The following KIF15 variants were observed in gnomAD, a reference collection of about 807,000 sequenced individuals.
The protein encoded by KIF15 is kinesin family member 15, also known as kinesin-like protein KIF15.
Under a neutral mutation model 190.6 loss-of-function variants are expected in KIF15, and 140 were observed. That is an observed-to-expected ratio of 0.73 (90% confidence interval 0.64 to 0.84). The LOEUF (loss-of-function observed/expected upper bound fraction) is 0.84. KIF15 is among the 40% of genes least tolerant of loss of function. The pLI, the probability that KIF15 is intolerant of heterozygous loss-of-function variation, is 0.00. For missense variants in KIF15, 1,372 were observed against 1,584.4 expected (o/e 0.87, Z 2.28); for synonymous variants, 528 against 551.3 (o/e 0.96, Z 0.59).
intron 4 of KIF15, among the ~76,000 whole-genome samples, chr3:44,779,823 A>T (rs1281589768): frequency 1.2e-4 from 3 of 25,228 alleles, no homozygotes; most frequent in Non-Finnish European, 2.1e-4. Context: ...GACAGAGTGA[A>T]AAAAAAAAAA....
At chr3:44,825,982 T>C (rs186126982) in intron 20 of KIF15, 57 bp from the exon 21 acceptor site, 254 of 1,447,432 alleles carry the variant, frequency 1.8e-4, no homozygotes, top group Non-Finnish European at 2.3e-4. Flanking sequence ...GATGATCTGA[T>C]TAATAGAAAT....
In KIF15 at chr3:44,863,310, C is replaced by A. The variant is rs998010828; in HGVS notation, c.*60-10019C>A. ...ATATTTAGATTCCGCACCCCCCCCC[C>A]CCGCCGCCTTGTCTCCAGGCAGGTT... On this transcript the variant is annotated intron_variant and NMD_transcript_variant, in intron 6 of 6. Transcript: ENST00000422209. The A allele has an allele frequency of 6.8e-5, 8 of 117,436 alleles. 1 individual carries two copies. The highest frequency in any genetic ancestry group is 9.7e-4 in the South Asian group (2 of 2,060). 7.3% of individuals were successfully genotyped at this position (117,436 alleles called of 1,614,324 possible).
rs755372741 is a variant in KIF15, at chr3:44,838,257, A to C, written c.3172-18A>C. On this transcript the variant is annotated intron_variant, in intron 26 of 34. Transcript: ENST00000326047. ...GGAATACCATAATTAAGAAACTGTG[A>C]TGATTGTCTCCTAACAGAGGGATAT... The C allele has an allele frequency of 3.2e-6, 5 of 1,578,540 alleles. No homozygotes were observed. The highest frequency in any genetic ancestry group is 4.3e-6 in the Non-Finnish European group (5 of 1,164,718).
At chr3:44,829,807 GTA>G (rs1181566391) in intron 24 of KIF15, among the ~76,000 whole-genome samples, 162 bp from the exon 25 acceptor site, 2 of 142,708 alleles carry the variant, frequency 1.4e-5, no homozygotes, top group South Asian at 2.1e-4. Flanking sequence ...TATAATATAT[GTA>G]TATATATTAT....
intron 10 of KIF15, among the ~76,000 whole-genome samples, chr3:44,799,490 G>C (rs528142399): frequency 2.0e-4 from 31 of 152,040 alleles, no homozygotes; most frequent in African/African-American, 7.2e-4. Context: ...TTGGTACTCA[G>C]CTGTTGGCAC....
intron 22 of KIF15, chr3:44,827,105 ATC>A (rs1697704562): frequency 1.6e-5 from 7 of 447,430 alleles, no homozygotes; most frequent in Middle Eastern, 3.3e-4. Flanking sequence ...CCAGGCACTG[ATC>A]TGGTGAATTC....
chr3:44,865,454 G>GGAGAA, intron 6 of KIF15: 1 of 449,148 alleles, frequency 2.2e-6, no homozygotes, highest in Non-Finnish European at 4.1e-6. Context: ...GGAGATCCTG[G>GGAGAA]GGTTGGTCTG....
chr3:44,806,871 G>A (rs372479494), intron 16 of KIF15, among the ~76,000 whole-genome samples: 67 of 152,032 alleles, frequency 4.4e-4, no homozygotes, highest in African/African-American at 1.4e-3. Flanking sequence ...TCAGCCTCCC[G>A]AGTAGCTGGG....
At position 44,852,651 on chromosome 3, in the gene KIF15, TTG is replaced by T; in HGVS notation, c.4105-20_4105-19del. ...AATTAGAGCCTTATTTTTTTTCTTT[TTG>T]TTTTTTTAAAATTACTTAGGAGACA... On this transcript the variant is annotated intron_variant, in intron 34 of 34. Coordinates refer to ENST00000326047, the MANE Select transcript of KIF15 (RefSeq NM_020242.3). 2.6e-6 allele frequency: 4 copies of T among 1,546,374 alleles called. No individual in the cohort carries two copies. The highest frequency in any genetic ancestry group is 3.5e-6 in the Non-Finnish European group (4 of 1,145,560).
At chr3:44,833,277 G>A (rs1698157917) in intron 26 of KIF15, among the ~76,000 whole-genome samples, 1 of 152,012 alleles carries the variant, frequency 6.6e-6, no homozygotes, top group Non-Finnish European at 1.5e-5. Context: ...CCTTAGACCA[G>A]GAGTGTGAGG....
In KIF15 at chr3:44,761,899, C is replaced by T. The variant is rs771886055; in HGVS notation, c.19+15C>T. ...CGGCTGCAAAAGTAAGTCTGGGCCC[C>T]CGGCTTCGTTACCCTATTTTTGCCC... is the stretch of plus-strand genomic sequence containing the variant. On this transcript the variant is annotated intron_variant, in intron 1 of 34. Transcript: ENST00000326047. 10 of 1,614,170 alleles carry T rather than the reference C, an allele frequency of 6.2e-6. No homozygotes were observed. Among genetic ancestry groups the T allele is most frequent in the Non-Finnish European group, 7.6e-6 (9 of 1,180,020 alleles).
downstream of KIF15, among the ~76,000 whole-genome samples, chr3:44,855,747 A>G (rs776914484): frequency 6.6e-6 from 1 of 152,158 alleles, no homozygotes; most frequent in Non-Finnish European, 1.5e-5. Flanking sequence ...GTGGTTTTGT[A>G]TGAATTGAGA....
chr3:44,782,895 C>T (rs1039478256), intron 5 of KIF15, among the ~76,000 whole-genome samples: 15 of 152,186 alleles, frequency 9.9e-5, no homozygotes, highest in Non-Finnish European at 1.2e-4. Context: ...CATGGGAAGT[C>T]GGAGCTATAC....
downstream of KIF15, among the ~76,000 whole-genome samples, chr3:44,857,910 C>T (rs553593229): frequency 6.6e-6 from 1 of 152,242 alleles, no homozygotes; most frequent in African/African-American, 2.4e-5. Context: ...GGAGGGTGTC[C>T]TGTTGAGAAG....
chr3:44,842,743 A>G (rs762123929), intron 29 of KIF15, among the ~76,000 whole-genome samples: 1 of 152,238 alleles, frequency 6.6e-6, no homozygotes, highest in African/African-American at 2.4e-5. Flanking sequence ...TTAGGATGCA[A>G]TTGAGTATTT....
chr3:44,863,218 T>C (rs1382960040), intron 6 of KIF15: 1 of 148,380 alleles, frequency 6.7e-6, no homozygotes, highest in Non-Finnish European at 1.5e-5. Flanking sequence ...GTGTAAGTTA[T>C]AAGCAAGCAC....
At chr3:44,763,895 C>T (rs1225316701) in intron 1 of KIF15, among the ~76,000 whole-genome samples, 4 of 151,864 alleles carry the variant, frequency 2.6e-5, no homozygotes, top group African/African-American at 9.7e-5. Flanking sequence ...ACCATGTTGC[C>T]CAGGCTGGTC....
Position 44,780,882 on chromosome 3 carries a change from C to T in KIF15, c.324-3C>T. ...AAAATAATATGTAAAACATTTTTTA[C>T]AGTGGACAGACTGGCTCAGGGAAGA... On this transcript the variant is annotated splice_polypyrimidine_tract_variant and splice_region_variant and intron_variant, in intron 4 of 34. Transcript: ENST00000326047. 1.3e-6 allele frequency: 2 copies of T among 1,585,480 alleles called. No individual in the cohort carries two copies. The highest frequency in any genetic ancestry group is 1.7e-6 in the Non-Finnish European group (2 of 1,161,286).
chr3:44,820,020 GA>G (rs1708191799), intron 20 of KIF15, among the ~76,000 whole-genome samples: 1 of 152,074 alleles, frequency 6.6e-6, no homozygotes, highest in African/African-American at 2.4e-5. Flanking sequence ...TGTCTCTTTT[GA>G]TCTTTGTTGG....
Sources: gnomAD v4.1 joint callset for allele counts (sites outside exome capture counted in the v4.1 genomes callset) on GRCh38, gnomAD v4.1.1 for gene constraint, MANE v1.5 for transcripts, NCBI Gene and HGNC (gene_info 2026-07-23, HGNC 2026-07-21) for gene names.